The following THBS4 variants were observed in gnomAD, a reference collection of about 807,000 sequenced individuals.
The protein encoded by THBS4 is thrombospondin-4.
In THBS4, 90 loss-of-function variants were observed where a neutral mutation model predicts 115.7. The ratio of observed to expected loss-of-function variants is 0.78; its 90% CI spans 0.66 to 0.93. The LOEUF (loss-of-function observed/expected upper bound fraction) is 0.93. Ranked by LOEUF, THBS4 falls within the 40% of genes least tolerant of loss-of-function variation. The pLI, the probability that THBS4 is intolerant of heterozygous loss-of-function variation, is 0.00. For synonymous variants in THBS4, 460 were observed against 479.3 expected, an observed-to-expected ratio of 0.96 and a Z score of 0.53; for missense variants, 1,087 against 1,232.7, an observed-to-expected ratio of 0.88 and a Z score of 1.77.
chr5:80,081,541 C>T (rs1743506312), intron 20 of THBS4, among the ~76,000 whole-genome samples: 1 of 152,194 alleles, frequency 6.6e-6, no homozygotes, highest in African/African-American at 2.4e-5. Context: ...ACGAAGGTGA[C>T]ATTCTAACAG....
intron 20 of THBS4, among the ~76,000 whole-genome samples, chr5:80,080,748 G>A (rs879923361): frequency 2.0e-5 from 3 of 151,752 alleles, no homozygotes; most frequent in Non-Finnish European, 4.4e-5. Context: ...CATCACGCCA[G>A]GCTAATTTTT....
intron 2 of THBS4, among the ~76,000 whole-genome samples, chr5:80,047,633 A>ATATTT (rs745337878): frequency 9.8e-6 from 1 of 102,444 alleles, no homozygotes. Flanking sequence ...AAAATTAAGA[A>ATATTT]TTTTTTTTTT....
At chr5:80,016,360 A>G (rs192531549) in intron 2 of THBS4, among the ~76,000 whole-genome samples, 36 of 152,212 alleles carry the variant, frequency 2.4e-4, no homozygotes, top group Non-Finnish European at 4.7e-4. Context: ...TATAACACCT[A>G]CACTGTAGTG....
At chr5:80,056,696 C>T (rs998348624) in intron 3 of THBS4, among the ~76,000 whole-genome samples, 1 of 151,826 alleles carries the variant, frequency 6.6e-6, no homozygotes, top group East Asian at 1.9e-4. Context: ...ATTCTTTGTC[C>T]TTTCCAATAA....
intron 2 of THBS4, among the ~76,000 whole-genome samples, chr5:80,000,560 G>T (rs2151149538): frequency 6.6e-6 from 1 of 152,250 alleles, no homozygotes; most frequent in Non-Finnish European, 1.5e-5. Flanking sequence ...CCATTTCCCA[G>T]CTCTCATTTC....
At chr5:80,000,927 AT>A (rs959088766) in intron 2 of THBS4, among the ~76,000 whole-genome samples, 1 of 151,976 alleles carries the variant, frequency 6.6e-6, no homozygotes, top group East Asian at 1.9e-4. Flanking sequence ...TCTTTCTCTG[AT>A]TTTTTTTATA....
At chr5:80,029,182 T>G (rs1169864640) in intron 2 of THBS4, among the ~76,000 whole-genome samples, 1 of 152,342 alleles carries the variant, frequency 6.6e-6, no homozygotes, top group Admixed American at 6.5e-5. Flanking sequence ...GTAATTTTCG[T>G]GTATTTTGCA....
chr5:80,042,660 T>C (rs571914367), intron 2 of THBS4, among the ~76,000 whole-genome samples: 2 of 152,268 alleles, frequency 1.3e-5, no homozygotes, highest in South Asian at 4.2e-4. Context: ...GAATCACCAG[T>C]AATATGAGTC....
chr5:80,011,229 C>T (rs1832118813), intron 2 of THBS4, among the ~76,000 whole-genome samples: 1 of 152,192 alleles, frequency 6.6e-6, no homozygotes, highest in Non-Finnish European at 1.5e-5. Flanking sequence ...TGAGGCTTCC[C>T]CAGCCACGTG....
At chr5:80,026,609 CAATAAAACTTT>C (rs1463300184) in intron 2 of THBS4, among the ~76,000 whole-genome samples, 1 of 152,132 alleles carries the variant, frequency 6.6e-6, no homozygotes, top group Non-Finnish European at 1.5e-5. Context: ...TGCTGTATTC[CAATAAAACTTT>C]AATTATGAGC....
intron 2 of THBS4, among the ~76,000 whole-genome samples, chr5:80,041,880 A>G (rs528714530): frequency 2.0e-5 from 3 of 152,334 alleles, no homozygotes; most frequent in South Asian, 4.1e-4. Flanking sequence ...TAGTGCTTCA[A>G]ACTCTCTCTT....
intron 12 of THBS4, 31 bp from the exon 13 acceptor site, chr5:80,070,990 C>G (rs200963782): frequency 5.0e-6 from 8 of 1,608,056 alleles, no homozygotes; most frequent in Non-Finnish European, 6.8e-6. Context: ...TAGTAAAAGT[C>G]TGAGTGATGT....
chr5:80,062,080 A>G (rs1394367292), intron 8 of THBS4, among the ~76,000 whole-genome samples: 1 of 152,202 alleles, frequency 6.6e-6, no homozygotes, highest in Non-Finnish European at 1.5e-5. Flanking sequence ...AAATGGGGTA[A>G]TATGGCTATT....
At chr5:79,997,700 A>T (rs1279298810) in intron 1 of THBS4, among the ~76,000 whole-genome samples, 1 of 152,220 alleles carries the variant, frequency 6.6e-6, no homozygotes, top group Non-Finnish European at 1.5e-5. Flanking sequence ...CAGAACATAC[A>T]TTATTTTTAA....
At position 80,021,769 on chromosome 5, in the gene THBS4, G is replaced by A. The variant is rs372990670; in HGVS notation, n.178-18308G>A. On this transcript the variant is annotated intron_variant and non_coding_transcript_variant, in intron 2 of 3. Coordinates refer to the THBS4 transcript ENST00000510218. ...TGGCCTCAAAGAATACTCTTCCTTC[G>A]GCCTCCTAAAGTACAAGGATTACAG... Among the ~76,000 whole-genome samples the A allele has an allele frequency of 2.6e-5, 4 of 152,130 alleles. No individual in the cohort carries two copies. The South Asian group carries it at 6.2e-4, about 24-fold the overall frequency.
At chr5:80,033,051 G>A (rs974724478), upstream of THBS4, 1 of 172,966 alleles carries the variant, frequency 5.8e-6, no homozygotes. Context: ...AGAACACCGT[G>A]CGTCTGGTGT....
intron 15 of THBS4, among the ~76,000 whole-genome samples, chr5:80,074,921 A>G (rs1053692360): frequency 2.6e-5 from 4 of 152,140 alleles, no homozygotes; most frequent in Admixed American, 2.6e-4. Context: ...TGCAAAGTAC[A>G]TATAGTCATC....
intron 2 of THBS4, among the ~76,000 whole-genome samples, chr5:80,003,147 A>T (rs1222955199): frequency 6.6e-6 from 1 of 152,124 alleles, no homozygotes; most frequent in Non-Finnish European, 1.5e-5. Context: ...TAAGAGAGGG[A>T]TATAGGAGAG....
At chr5:80,065,175 G>C (rs1036499276) in intron 8 of THBS4, among the ~76,000 whole-genome samples, 1 of 151,990 alleles carries the variant, frequency 6.6e-6, no homozygotes, top group African/African-American at 2.4e-5. Context: ...AATTATACAA[G>C]TTGTCTTTTC....
Sources: allele counts gnomAD v4.1 joint callset (sites outside exome capture counted in the v4.1 genomes callset), GRCh38; gene constraint gnomAD v4.1.1; transcripts MANE v1.5; gene names NCBI Gene and HGNC (gene_info 2026-07-23, HGNC 2026-07-21).